Variants in FRMD3 observed in about 807,000 individuals in gnomAD.
FRMD3 encodes the protein FERM domain containing 3.
A neutral mutation model predicts 70.2 loss-of-function variants in FRMD3; 33 were observed. That is an observed-to-expected ratio of 0.47 (90% confidence interval 0.36 to 0.63). FRMD3 has a LOEUF of 0.63. FRMD3 is among the 20% of genes least tolerant of loss of function. The pLI is 0.00. For synonymous variants in FRMD3, 279 were observed against 255.9 expected (o/e 1.09, Z -0.86); for missense variants, 632 against 711.4 (o/e 0.89, Z 1.27).
chr9:83,497,884 A>C (rs1481436272), intron 1 of FRMD3, among the ~76,000 whole-genome samples: 2 of 152,250 alleles, frequency 1.3e-5, no homozygotes, highest in Non-Finnish European at 2.9e-5. Context: ...GCGATAGCTC[A>C]TGCCTGTAAT....
At chr9:83,393,006 A>C (rs1201590231) in intron 1 of FRMD3, among the ~76,000 whole-genome samples, 1 of 152,230 alleles carries the variant, frequency 6.6e-6, no homozygotes, top group Non-Finnish European at 1.5e-5. Context: ...AATACATGTG[A>C]AAAGTAGTAA....
chr9:83,252,258 C>T (rs1432041596), intron 13 of FRMD3, among the ~76,000 whole-genome samples: 1 of 152,124 alleles, frequency 6.6e-6, no homozygotes, highest in Non-Finnish European at 1.5e-5. Context: ...AGAATTTCAT[C>T]TTTGGCCAAA....
At chr9:83,566,686 C>A in the FRMD3 span, among the ~76,000 whole-genome samples, 1 of 152,182 alleles carries the variant, frequency 6.6e-6, no homozygotes, top group Non-Finnish European at 1.5e-5. Flanking sequence ...AGGGCCCAAG[C>A]AAGTCCAAAA....
At chr9:83,435,235 C>A (rs756899213) in intron 1 of FRMD3, among the ~76,000 whole-genome samples, 2 of 152,130 alleles carry the variant, frequency 1.3e-5, no homozygotes, top group Non-Finnish European at 2.9e-5. Flanking sequence ...ATTTGATTTC[C>A]TCTTAGTCAA....
intron 6 of FRMD3, among the ~76,000 whole-genome samples, chr9:83,330,181 A>G (rs1380981653): frequency 6.6e-6 from 1 of 152,126 alleles, no homozygotes; most frequent in Non-Finnish European, 1.5e-5. Context: ...CCTGACCAAC[A>G]TGGAGAAACC....
At chr9:83,365,989 G>C (rs1029976642) in intron 3 of FRMD3, among the ~76,000 whole-genome samples, 1 of 152,034 alleles carries the variant, frequency 6.6e-6, no homozygotes, top group African/African-American at 2.4e-5. Context: ...CCCACTCAAA[G>C]GTCAGGTGGG....
intron 1 of FRMD3, among the ~76,000 whole-genome samples, chr9:83,437,745 C>A (rs1448860003): frequency 6.6e-6 from 1 of 152,128 alleles, no homozygotes; most frequent in African/African-American, 2.4e-5. Context: ...GGAAGTAGAA[C>A]AAAATACAAA....
chr9:83,348,316 C>A (rs902368530), intron 4 of FRMD3, among the ~76,000 whole-genome samples: 1 of 152,084 alleles, frequency 6.6e-6, no homozygotes, highest in African/African-American at 2.4e-5. Flanking sequence ...CAAGTGAGAA[C>A]AAATTTATCA....
In FRMD3 at chr9:83,537,864, T is replaced by A. The variant is rs1007267496; in HGVS notation, c.147+221A>T. The stretch of plus-strand genomic sequence containing the variant: ...AGGGTGCACGCGAGGGGAAGGAGAC[T>A]GGGCGCGGATAACGCGTGCCTGGCG... On this transcript the variant is annotated intron_variant, in intron 1 of 13. Coordinates refer to ENST00000304195, the MANE Select transcript of FRMD3 (RefSeq NM_174938.6). This position sits in a 1 kb window ranked among gnomAD's most constrained non-coding sequence, Gnocchi z 4.1. 1.3e-5 allele frequency among the ~76,000 whole-genome samples: 2 copies of A among 150,794 alleles called. No individual in the cohort carries two copies. Among genetic ancestry groups the A allele is most frequent in the Non-Finnish European group, 3.0e-5 (2 of 67,758 alleles).
intron 1 of FRMD3, among the ~76,000 whole-genome samples, chr9:83,487,357 A>C (rs550051783): frequency 6.6e-6 from 1 of 152,240 alleles, no homozygotes; most frequent in South Asian, 2.1e-4. Context: ...TCCCCCAAAA[A>C]ACAGCCTATC....
chr9:83,342,592 A>C (rs1226152058), intron 5 of FRMD3, among the ~76,000 whole-genome samples: 1 of 152,194 alleles, frequency 6.6e-6, no homozygotes, highest in Non-Finnish European at 1.5e-5. Flanking sequence ...CACCATGCCC[A>C]CAGCTAGAAG....
chr9:83,278,069 T>C (rs1833851442), intron 13 of FRMD3, among the ~76,000 whole-genome samples: 1 of 152,216 alleles, frequency 6.6e-6, no homozygotes. Context: ...GAGGAATTAC[T>C]CAGAATTAGG....
chr9:83,341,355 A>G (rs1329950774), intron 5 of FRMD3, among the ~76,000 whole-genome samples: 1 of 152,168 alleles, frequency 6.6e-6, no homozygotes, highest in African/African-American at 2.4e-5. Flanking sequence ...GTCTGGATGG[A>G]GGCTCCGTGG....
At chr9:83,251,028 G>C (rs1832388807) in intron 13 of FRMD3, among the ~76,000 whole-genome samples, 1 of 152,164 alleles carries the variant, frequency 6.6e-6, no homozygotes, top group African/African-American at 2.4e-5. Context: ...TGCTTCTTTG[G>C]GTGGGTCTGT....
At chr9:83,570,971 T>A in the FRMD3 span, among the ~76,000 whole-genome samples, 1 of 152,188 alleles carries the variant, frequency 6.6e-6, no homozygotes, top group Admixed American at 6.5e-5. Context: ...TGCTATGTTT[T>A]GGATTTAGTC....
chr9:83,419,700 G>C (rs1361757378), intron 1 of FRMD3, among the ~76,000 whole-genome samples: 1 of 152,042 alleles, frequency 6.6e-6, no homozygotes, highest in African/African-American at 2.4e-5. Context: ...TGTGTGTGAT[G>C]TGTGTGTGTG....
At position 83,245,102 on chromosome 9, in the gene FRMD3, C is replaced by T. The variant is rs1218127575; in HGVS notation, c.*2816G>A. The T allele has an allele frequency of 7.1e-6, 7 of 985,126 alleles. No homozygotes were observed. In the East Asian group the frequency reaches 3.4e-4, roughly 48 times the overall value. 61.0% of individuals were successfully genotyped at this position (985,126 alleles called of 1,614,324 possible). ...CTGAGAGGGAGAAGAACCAATAATA[C>T]ATCTCAAATTCCTCAATTAGGGCAA... On this transcript the variant is annotated 3_prime_UTR_variant, in exon 14 of 14. Coordinates refer to ENST00000304195, the MANE Select transcript of FRMD3 (RefSeq NM_174938.6).
chr9:83,534,696 G>C (rs1017706934), intron 1 of FRMD3, among the ~76,000 whole-genome samples: 1 of 152,186 alleles, frequency 6.6e-6, no homozygotes, highest in South Asian at 2.1e-4. Flanking sequence ...AGGACACAGT[G>C]TATCAAACCT....
chr9:83,355,001 C>T (rs1587762738), intron 3 of FRMD3, among the ~76,000 whole-genome samples: 1 of 152,250 alleles, frequency 6.6e-6, no homozygotes, highest in East Asian at 1.9e-4. Context: ...GGTCAGAAGT[C>T]CAGCATTTGA....
Sources: allele counts gnomAD v4.1 joint callset (sites outside exome capture counted in the v4.1 genomes callset), GRCh38; gene constraint gnomAD v4.1.1; non-coding constraint Gnocchi (gnomAD v3.1); transcripts MANE v1.5; gene names NCBI Gene and HGNC (gene_info 2026-07-23, HGNC 2026-07-21).